Variants in CORO2B observed in about 807,000 individuals in gnomAD.
CORO2B encodes coronin-2B.
CORO2B carries 26 observed loss-of-function variants against 58.8 expected under a neutral mutation model. The observed-to-expected ratio is 0.44, with a 90% confidence interval of 0.32 to 0.61. CORO2B has a LOEUF of 0.61. Among genes scored for constraint, CORO2B ranks in the 20% least tolerant of loss-of-function variants. The pLI is 0.04. For synonymous variants in CORO2B, 242 were observed against 253.8 expected (o/e 0.95, Z 0.44); for missense variants, 460 against 645.1 (o/e 0.71, Z 3.11).
chr15:68,647,999 C>G (rs7162636), intron 2 of CORO2B, among the ~76,000 whole-genome samples: 60,322 of 142,268 alleles, frequency 0.42, 14,079 homozygotes, highest in African/African-American at 0.6. Flanking sequence ...CTGCACTCCA[C>G]CCTGGGCAAC....
chr15:68,608,010 G>T (rs1326439481), intron 1 of CORO2B, among the ~76,000 whole-genome samples: 1 of 152,222 alleles, frequency 6.6e-6, no homozygotes, highest in Non-Finnish European at 1.5e-5. Context: ...GGGAGTGAGG[G>T]GGTCTACATG....
In CORO2B at chr15:68,645,412, C is replaced by T; in HGVS notation, c.216+52C>T. On this transcript the variant is annotated intron_variant, in intron 2 of 11. Coordinates refer to ENST00000261861, the MANE Select transcript of CORO2B (RefSeq NM_006091.5). The surrounding 1 kb of genome is among the most constrained non-coding windows in gnomAD (Gnocchi z 4.5). ...CTGCAGCTCCAGGGCAGAGAGGAGC[C>T]CTCCTTGGTCTCTCTTAGGCCTGTT... 6.4e-7 allele frequency: 1 copy of T among 1,562,856 alleles called. No homozygotes were observed. Among genetic ancestry groups the T allele is most frequent in the Admixed American group, 1.7e-5 (1 of 58,512 alleles).
chr15:68,714,164 G>A (rs952275099), intron 6 of CORO2B, 123 bp downstream of exon 6: 9 of 667,424 alleles, frequency 1.3e-5, no homozygotes, highest in Non-Finnish European at 2.3e-5. Context: ...TCCCAGTGGA[G>A]AAATCAGACA....
chr15:68,643,446 CCAGA>C (rs1477029423), intron 1 of CORO2B, among the ~76,000 whole-genome samples: 1 of 152,336 alleles, frequency 6.6e-6, no homozygotes, highest in Non-Finnish European at 1.5e-5. Flanking sequence ...ATGACTTTAT[CCAGA>C]CAGTCTGGAG....
At chr15:68,703,719 G>A (rs1207018137) in intron 3 of CORO2B, among the ~76,000 whole-genome samples, 1 of 152,068 alleles carries the variant, frequency 6.6e-6, no homozygotes, top group Non-Finnish European at 1.5e-5. Context: ...GGAGCTAACA[G>A]CCCTAGCCCT....
intron 1 of CORO2B, among the ~76,000 whole-genome samples, chr15:68,637,666 C>T (rs920656460): frequency 2.0e-5 from 3 of 152,066 alleles, no homozygotes; most frequent in African/African-American, 7.2e-5. Context: ...AGCACATGAC[C>T]CAGGAGAGGC....
chr15:68,633,274 C>A (rs1348376974), intron 1 of CORO2B, among the ~76,000 whole-genome samples: 1 of 152,186 alleles, frequency 6.6e-6, no homozygotes, highest in East Asian at 1.9e-4. Context: ...CCCAGCAAGA[C>A]TCCTCTTTCC....
At chr15:68,598,231 T>C (rs1899890089) in intron 1 of CORO2B, among the ~76,000 whole-genome samples, 1 of 152,200 alleles carries the variant, frequency 6.6e-6, no homozygotes, top group Non-Finnish European at 1.5e-5. Context: ...CTGGCTGGAA[T>C]TGGGGTGTCC....
the CORO2B span, among the ~76,000 whole-genome samples, chr15:68,547,481 C>T: frequency 6.6e-6 from 1 of 152,112 alleles, no homozygotes; most frequent in Non-Finnish European, 1.5e-5. Flanking sequence ...GCCAGCACTA[C>T]TCATTATGCA....
At chr15:68,707,782 A>T (rs77344388) in intron 3 of CORO2B, among the ~76,000 whole-genome samples, 2,578 of 152,300 alleles carry the variant, frequency 0.017, 42 homozygotes, top group Non-Finnish European at 0.025. Context: ...GACAGAAGGA[A>T]TGTGGTGACT....
At chr15:68,576,085 A>G (rs1410307211), upstream of CORO2B, among the ~76,000 whole-genome samples, 1 of 145,218 alleles carries the variant, frequency 6.9e-6, no homozygotes, top group African/African-American at 2.6e-5. Flanking sequence ...CCCGAGAGGC[A>G]GAAGTTGCAG....
At chr15:68,554,994 T>C in the CORO2B span, among the ~76,000 whole-genome samples, 3 of 152,254 alleles carry the variant, frequency 2.0e-5, no homozygotes, top group African/African-American at 7.2e-5. Flanking sequence ...CAGTGGTGGC[T>C]CTCCCAGGCC....
chr15:68,541,692 G>A, the CORO2B span, among the ~76,000 whole-genome samples: 1 of 152,206 alleles, frequency 6.6e-6, no homozygotes, highest in Non-Finnish European at 1.5e-5. Flanking sequence ...TGGCTGGAGA[G>A]CAGGTACTAT....
At chr15:68,695,886 A>G (rs1892498757) in intron 3 of CORO2B, among the ~76,000 whole-genome samples, 1 of 151,954 alleles carries the variant, frequency 6.6e-6, no homozygotes, top group African/African-American at 2.4e-5. Flanking sequence ...AGATAGGAGA[A>G]ATAGAGATAG....
chr15:68,623,216 T>A (rs1189838175), intron 1 of CORO2B, among the ~76,000 whole-genome samples: 1 of 151,840 alleles, frequency 6.6e-6, no homozygotes, highest in Non-Finnish European at 1.5e-5. Context: ...AGCAGAGAAG[T>A]GATATTGTTT....
intron 11 of CORO2B, among the ~76,000 whole-genome samples, chr15:68,720,513 G>T (rs1385578674): frequency 6.6e-6 from 1 of 152,174 alleles, no homozygotes; most frequent in African/African-American, 2.4e-5. Context: ...GTCCACTGGG[G>T]CTGGAATCAC....
chr15:68,680,969 T>G (rs1044771146), intron 2 of CORO2B, among the ~76,000 whole-genome samples: 2 of 152,148 alleles, frequency 1.3e-5, no homozygotes, highest in African/African-American at 4.8e-5. Context: ...ATACCAGCAC[T>G]TTGGGAGGCT....
At chr15:68,526,875 C>G in the CORO2B span, among the ~76,000 whole-genome samples, 261 of 152,328 alleles carry the variant, frequency 1.7e-3, 1 homozygote, top group African/African-American at 5.7e-3. Flanking sequence ...TATGTTGAAG[C>G]TCTAACCTCC....
intron 1 of CORO2B, among the ~76,000 whole-genome samples, chr15:68,617,149 A>G (rs1029069784): frequency 2.6e-5 from 4 of 151,940 alleles, no homozygotes; most frequent in African/African-American, 9.7e-5. Flanking sequence ...CTTTCCAACA[A>G]CATTGGCTTT....
Sources: gnomAD v4.1 joint callset for allele counts (sites outside exome capture counted in the v4.1 genomes callset) on GRCh38, gnomAD v4.1.1 for gene constraint, Gnocchi (gnomAD v3.1) non-coding constraint, MANE v1.5 for transcripts, NCBI Gene and HGNC (gene_info 2026-07-23, HGNC 2026-07-21) for gene names.